DST: variants seen among roughly 807,000 people sequenced by gnomAD.
The protein encoded by DST is bullous pemphigoid antigen.
In DST, 253 loss-of-function variants were observed where a neutral mutation model predicts 875.2. The observed-to-expected ratio is 0.29, with a 90% confidence interval of 0.26 to 0.32. The LOEUF is 0.32. Ranked by LOEUF, DST falls within the 10% of genes least tolerant of loss-of-function variation. The pLI, the probability that DST is intolerant of heterozygous loss-of-function variation, is 1.00. For missense variants in DST, 8,287 were observed against 9,111.6 expected (o/e 0.91, Z 3.68); for synonymous variants, 3,124 against 3,197.1 (o/e 0.98, Z 0.77).
In DST at chr6:56,862,264, T is replaced by C. The variant is rs532170489; in HGVS notation, c.418-10660A>G. Among the ~76,000 whole-genome samples the C allele has an allele frequency of 1.4e-4, 21 of 152,220 alleles. No homozygotes were observed. The South Asian group carries it at 4.4e-3, about 32-fold the overall frequency. ...TTCCTTCCTCCAGCATCCTTTCTCA[T>C]TTTAAGGCTGCTTTGAATTATTCTA... On this transcript the variant is annotated intron_variant, in intron 3 of 103. Coordinates refer to ENST00000680361, the MANE Select transcript of DST (RefSeq NM_001374736.1).
chr6:56,693,438 G>A (rs138643913), intron 9 of DST: 72 of 1,053,086 alleles, frequency 6.8e-5, no homozygotes, highest in Non-Finnish European at 7.9e-5. Flanking sequence ...CAACACTGAT[G>A]AGCTCTCAAG....
Position 56,553,011 on chromosome 6 carries a change from G to T in DST, c.15781C>A (p.Leu5261Ile), listed in dbSNP as rs762522099. The change falls in exon 61 of 104, where the codon CTT (leucine) becomes ATT (isoleucine). Residue 5261 changes from leucine (L) to isoleucine (I), a missense_variant. Physicochemically the swap from Leu to Ile is conservative, Grantham distance 5. Coordinates refer to ENST00000680361, the MANE Select transcript of DST (RefSeq NM_001374736.1). ...TCCAGACAGAATTTCTTACTGTGAA[G>T]TTGTTCAGTGACCATGTCCACCTTC... The part of the protein sequence containing the change: ...IQKVDMVTEQ[L>I]HSKKFCLENM... 2.0e-5 allele frequency: 33 copies of T among 1,613,876 alleles called. No homozygotes were observed. The highest frequency in any genetic ancestry group is 2.7e-5 in the Non-Finnish European group (32 of 1,179,878).
chr6:56,561,580 C>T lies in DST; in HGVS notation c.14069-31G>A. ...AGTAAGAAAAACAACTATACTGACACATTTTCAGGACATTTGGAGCAGAGG... is the reference window on the plus strand; with the variant it reads ...AGTAAGAAAAACAACTATACTGACATATTTTCAGGACATTTGGAGCAGAGG... On this transcript the variant is annotated intron_variant, in intron 56 of 103. Transcript: ENST00000680361. 3.2e-6 allele frequency: 5 copies of T among 1,580,636 alleles called. No individual in the cohort carries two copies. The South Asian group carries it at 3.5e-5, about 11-fold the overall frequency.
rs2098521188 is a variant in DST at position 56,608,943 on chromosome 6, C to G, written c.5685G>C (p.Lys1895Asn). 1 of 1,613,768 alleles carries G rather than the reference C, an allele frequency of 6.2e-7. No homozygotes were observed. Among genetic ancestry groups the G allele is most frequent in the Non-Finnish European group, 8.5e-7 (1 of 1,179,798 alleles). The part of the protein sequence containing the change: ...PATGEQLTLQ[K>N]AFQQNLVSSA... ...AGGAAACCAAGTTCTGTTGGAAAGC[C>G]TTCTGTAGGGTCAACTGTTCTCCTG... The change falls in exon 40 of 104, where the codon AAG becomes AAC. Residue 1895 changes from lysine (K) to asparagine (N), a missense_variant. This residue lies in a region of DST where 3,138 missense variants were observed against 3,116.6 expected (regional missense o/e 1.01). Transcript: ENST00000680361.
Position 56,473,878 on chromosome 6 carries a change from G to T in DST, c.21989C>A (p.Ala7330Glu). 6.3e-7 allele frequency: 1 copy of T among 1,598,788 alleles called. No homozygotes were observed. Among genetic ancestry groups the T allele is most frequent in the South Asian group, 1.1e-5 (1 of 88,182 alleles). ...AGAAATTGATCACTGCTTACTTCCT[G>T]CTCGTCCCTTATCCAAGACTGGAAT... ...SHIPVLDKGRAGRKRFPASSL... is the reference protein window; with the variant it reads ...SHIPVLDKGREGRKRFPASSL... Residue 7330 changes from alanine to glutamate, a missense_variant, in exon 93 of 104, where the codon GCA becomes GAA. By Grantham distance (107) the Ala-to-Glu change is moderately radical. This residue lies in a region of DST where 1,292 missense variants were observed against 1,552.7 expected (regional missense o/e 0.83). Coordinates refer to ENST00000680361, the MANE Select transcript of DST (RefSeq NM_001374736.1).
intron 69 of DST, among the ~76,000 whole-genome samples, chr6:56,522,092 A>T (rs530987286): frequency 1.3e-5 from 2 of 152,284 alleles, no homozygotes; most frequent in East Asian, 3.9e-4. Context: ...TTAGTGCAAG[A>T]CATTTTAAGT....
At chr6:56,635,740 T>C in intron 23 of DST, 26 bp from the exon 24 acceptor site, 1 of 1,611,822 alleles carries the variant, frequency 6.2e-7, no homozygotes, top group Non-Finnish European at 8.5e-7. Flanking sequence ...ACCTGGAAGT[T>C]AAAGTATGTT....
In DST at chr6:56,552,433, T is replaced by C. The variant is rs2097340410; in HGVS notation, c.16359A>G (p.Glu5453=). ...TTCCAACAAGGTCAGGAGAGGTTTC[T>C]TCTGTGGCTAACATCATCTTGCAGG... The part of the protein sequence containing the change: ...NKTCKMMLAT[E]ETSPDLVGIK... The change falls in exon 61 of 104, where the codon GAA becomes GAG. Residue 5453 remains glutamate, a synonymous_variant. Transcript: ENST00000680361. The C allele has an allele frequency of 1.2e-6, 2 of 1,613,904 alleles. No homozygotes were observed. The highest frequency in any genetic ancestry group is 2.2e-5 in the East Asian group (1 of 44,892).
At chr6:56,668,017 C>T (rs2099080764) in intron 10 of DST, among the ~76,000 whole-genome samples, 2 of 152,112 alleles carry the variant, frequency 1.3e-5, no homozygotes, top group South Asian at 4.1e-4. Context: ...CCTCCGGCCT[C>T]ATCCTCCCTG....
chr6:56,863,557 TG>T (rs1772411155), intron 3 of DST, among the ~76,000 whole-genome samples: 1 of 152,178 alleles, frequency 6.6e-6, no homozygotes. Context: ...ACTTAGGATC[TG>T]TGTGAATTCC....
chr6:56,583,290 C>A (rs899443007), intron 49 of DST, among the ~76,000 whole-genome samples: 3 of 152,228 alleles, frequency 2.0e-5, no homozygotes, highest in Admixed American at 6.5e-5. Flanking sequence ...TCGCCATTCT[C>A]ACTGGTGTGA....
chr6:56,895,160 AC>A lies in DST; in HGVS notation c.417+5260del, dbSNP rs1159715556. On this transcript the variant is annotated intron_variant, in intron 3 of 103. Coordinates refer to ENST00000680361, the MANE Select transcript of DST (RefSeq NM_001374736.1). ...GGGAGGCTGGCCGGGCGGGGGGCTG[AC>A]CCCCCCCACCTCCCTCCCGGACGGG... 8.2e-4 allele frequency among the ~76,000 whole-genome samples: 47 copies of A among 57,294 alleles called. 2 individuals carry two copies. The highest frequency in any genetic ancestry group is 2.0e-3 in the Admixed American group (14 of 7,166). 37.6% of individuals were successfully genotyped at this position (57,294 alleles called of 152,430 possible). A position where few individuals can be genotyped will look rare whatever the true frequency, so the allele number is the denominator to read the frequency against.
chr6:56,774,256 A>ACCT (rs1450136021), intron 4 of DST, among the ~76,000 whole-genome samples: 2 of 151,934 alleles, frequency 1.3e-5, no homozygotes, highest in Non-Finnish European at 2.9e-5. Flanking sequence ...ACCCAAACTT[A>ACCT]CCTCTCCAGC....
chr6:56,710,549 T>C (rs929348532), intron 5 of DST, among the ~76,000 whole-genome samples: 1 of 152,204 alleles, frequency 6.6e-6, no homozygotes, highest in Non-Finnish European at 1.5e-5. Context: ...AAATTAGCTG[T>C]CAGGTTCTCC....
At chr6:56,627,686 A>C (rs1269213149) in intron 33 of DST, among the ~76,000 whole-genome samples, 1 of 152,224 alleles carries the variant, frequency 6.6e-6, no homozygotes, top group Non-Finnish European at 1.5e-5. Context: ...TTAGGAACCT[A>C]GAAAACTATT....
intron 4 of DST, among the ~76,000 whole-genome samples, chr6:56,842,237 A>T (rs1562127724): frequency 6.6e-6 from 1 of 152,288 alleles, no homozygotes; most frequent in East Asian, 1.9e-4. Context: ...ATGGGTCACT[A>T]TTCACTATAA....
intron 5 of DST, among the ~76,000 whole-genome samples, chr6:56,725,845 T>C (rs2099453750): frequency 6.6e-6 from 1 of 152,168 alleles, no homozygotes; most frequent in African/African-American, 2.4e-5. Context: ...ACTCTATACA[T>C]ATGCAGCAGC....
intron 4 of DST, among the ~76,000 whole-genome samples, chr6:56,829,633 T>C (rs1043066902): frequency 6.6e-6 from 1 of 152,160 alleles, no homozygotes; most frequent in East Asian, 1.9e-4. Flanking sequence ...CCATAAACAA[T>C]GGAAAGTATG....
At chr6:56,742,418 T>C in intron 4 of DST, 8 of 1,218,342 alleles carry the variant, frequency 6.6e-6, no homozygotes, top group Non-Finnish European at 8.7e-6. Context: ...GTTAACTTTC[T>C]ATGTAGAAAA....
Sources: gnomAD v4.1 joint callset for allele counts (sites outside exome capture counted in the v4.1 genomes callset) on GRCh38, gnomAD v4.1.1 for gene constraint, gnomAD v4.1.1 regional missense constraint, MANE v1.5 for transcripts, NCBI Gene and HGNC (gene_info 2026-07-23, HGNC 2026-07-21) for gene names.